Variants in MLLT10 observed in about 807,000 individuals in gnomAD.
MLLT10 encodes protein AF-10.
A neutral mutation model predicts 129.1 loss-of-function variants in MLLT10; 30 were observed. The observed-to-expected ratio is 0.23, with a 90% confidence interval of 0.17 to 0.32. The LOEUF is 0.32. Among genes scored for constraint, MLLT10 ranks in the 10% least tolerant of loss-of-function variants. The pLI is 1.00. For missense variants in MLLT10, 1,119 were observed against 1,268.3 expected, an observed-to-expected ratio of 0.88 and a Z score of 1.79; for synonymous variants, 490 against 446.4, an observed-to-expected ratio of 1.10 and a Z score of -1.23.
chr10:21,712,986 A>C (rs1372595540), intron 13 of MLLT10, among the ~76,000 whole-genome samples: 3 of 152,192 alleles, frequency 2.0e-5, no homozygotes, highest in African/African-American at 7.2e-5. Flanking sequence ...TTCTAGAATG[A>C]ATAGCTTCCA....
chr10:21,709,339 C>T (rs375762795), intron 13 of MLLT10, among the ~76,000 whole-genome samples: 1 of 151,292 alleles, frequency 6.6e-6, no homozygotes, highest in Admixed American at 6.6e-5. Context: ...TCAAGTGATT[C>T]TCCTGCCTCA....
intron 13 of MLLT10, among the ~76,000 whole-genome samples, chr10:21,683,198 A>AG (rs1189223384): frequency 6.6e-6 from 1 of 152,134 alleles, no homozygotes; most frequent in African/African-American, 2.4e-5. Flanking sequence ...TGTTGCCTTA[A>AG]GGGTAGGGGT....
chr10:21,741,400 G>C (rs1833594683), intron 22 of MLLT10, among the ~76,000 whole-genome samples: 1 of 149,454 alleles, frequency 6.7e-6, no homozygotes, highest in African/African-American at 2.6e-5. Context: ...AGCTAATAGA[G>C]TGCTCATAAT....
At chr10:21,594,553 CAA>C (rs34844830) in intron 4 of MLLT10, among the ~76,000 whole-genome samples, 84 of 57,528 alleles carry the variant, frequency 1.5e-3, no homozygotes, top group East Asian at 4.2e-3. Flanking sequence ...AACTCTGTCT[CAA>C]AAAAAAAAAA....
rs2051714156 is a variant in MLLT10, at chr10:21,673,394, A to G, written c.1096A>G (p.Ser366Gly). 6.6e-7 allele frequency: 1 copy of G among 1,507,774 alleles called. No homozygotes were observed. The highest frequency in any genetic ancestry group is 1.2e-5 in the South Asian group (1 of 85,682). The allele number at this position is 1,507,774 out of a possible 1,614,324, so 93.4% of individuals were successfully genotyped here. The change falls in exon 11 of 23, where the codon AGT becomes GGT. Residue 366 changes from serine (S) to glycine (G), a missense_variant. Transcript: ENST00000307729. Reference protein sequence around the residue: ...TPGSVKSSSGSSVQSPQDFLS... With the variant: ...TPGSVKSSSGGSVQSPQDFLS... ...AGGCAGTGTAAAGTCATCTTCTGGA[A>G]GTTCAGTGCAGTCTCCCCAGGATTT...
At chr10:21,584,483 A>T (rs760862299) in intron 3 of MLLT10, among the ~76,000 whole-genome samples, 19 of 151,462 alleles carry the variant, frequency 1.3e-4, no homozygotes, top group South Asian at 4.2e-4. Context: ...ATTTTTTTTT[A>T]AATTATTTTT....
intron 7 of MLLT10, among the ~76,000 whole-genome samples, chr10:21,616,861 A>C (rs2045315203): frequency 1.3e-5 from 2 of 151,926 alleles, no homozygotes; most frequent in Admixed American, 1.3e-4. Flanking sequence ...TTATTTGAAA[A>C]TAGATGATCT....
intron 2 of MLLT10, among the ~76,000 whole-genome samples, chr10:21,538,003 A>G (rs1174733490): frequency 1.3e-5 from 2 of 151,166 alleles, no homozygotes; most frequent in Non-Finnish European, 2.9e-5. Context: ...AGAAATAAAC[A>G]TACCTTTTTT....
chr10:21,636,166 A>G (rs2047442759), intron 8 of MLLT10, among the ~76,000 whole-genome samples: 1 of 151,370 alleles, frequency 6.6e-6, no homozygotes, highest in African/African-American at 2.4e-5. Flanking sequence ...TGTCACCTAA[A>G]CTGCAGTGCA....
intron 3 of MLLT10, among the ~76,000 whole-genome samples, chr10:21,582,268 C>T (rs2041544175): frequency 6.6e-6 from 1 of 151,998 alleles, no homozygotes; most frequent in Non-Finnish European, 1.5e-5. Flanking sequence ...CAGGCACGTG[C>T]CACCACATGC....
chr10:21,617,019 C>T (rs1184731075), intron 7 of MLLT10, 93 bp from the exon 8 acceptor site: 2 of 462,364 alleles, frequency 4.3e-6, no homozygotes, highest in Non-Finnish European at 6.9e-6. Flanking sequence ...ATTAAAAATA[C>T]TTTATAGTTG....
At chr10:21,602,537 T>C (rs2043641566) in intron 5 of MLLT10, among the ~76,000 whole-genome samples, 1 of 152,146 alleles carries the variant, frequency 6.6e-6, no homozygotes, top group South Asian at 2.1e-4. Context: ...AAAGTCTGAG[T>C]GAGATAGACT....
At position 21,619,127 on chromosome 10, in the gene MLLT10, G is replaced by C. The variant is rs535027151; in HGVS notation, c.699+1920G>C. On this transcript the variant is annotated intron_variant, in intron 8 of 22. Transcript: ENST00000307729. ...TATATCTTGATTTCTTTTTGAGGTG[G>C]TTTTGTTATAAAGTGACGGTAGTAG... Among the ~76,000 whole-genome samples, 9 of 151,936 alleles carry C rather than the reference G, an allele frequency of 5.9e-5. No individual in the cohort carries two copies. The South Asian group carries it at 1.9e-3, about 32-fold the overall frequency.
intron 8 of MLLT10, among the ~76,000 whole-genome samples, 176 bp from the exon 9 acceptor site, chr10:21,651,497 T>TA (rs1184039110): frequency 6.6e-6 from 1 of 152,182 alleles, no homozygotes; most frequent in East Asian, 1.9e-4. Context: ...TGAACTTACC[T>TA]AAAAAGAAAC....
At chr10:21,687,730 G>C (rs138558125) in intron 13 of MLLT10, among the ~76,000 whole-genome samples, 2 of 152,248 alleles carry the variant, frequency 1.3e-5, no homozygotes, top group East Asian at 3.9e-4. Context: ...TGGTTTAGGG[G>C]GTTGAAATGA....
chr10:21,687,219 A>G (rs2053395935), intron 13 of MLLT10, among the ~76,000 whole-genome samples: 1 of 152,178 alleles, frequency 6.6e-6, no homozygotes, highest in South Asian at 2.1e-4. Context: ...ATGCCAGTTG[A>G]TTTTAGAGGT....
Position 21,614,822 on chromosome 10 carries a change from T to C in MLLT10, c.510-9T>C, listed in dbSNP as rs1227220751. Reference sequence around the variant, plus strand: ...TATATCAATAAATATACTTGGCTTTTATTTTCAGCGCTCAGTTTGCCGGAC... The same window carrying C: ...TATATCAATAAATATACTTGGCTTTCATTTTCAGCGCTCAGTTTGCCGGAC... On this transcript the variant is annotated splice_polypyrimidine_tract_variant and intron_variant, in intron 6 of 22. Transcript: ENST00000307729. 17 of 1,608,204 alleles carry C rather than the reference T, an allele frequency of 1.1e-5. No individual in the cohort carries two copies. The East Asian group carries it at 3.8e-4, about 36-fold the overall frequency.
chr10:21,609,072 A>G (rs562433560), intron 5 of MLLT10, among the ~76,000 whole-genome samples: 1 of 152,224 alleles, frequency 6.6e-6, no homozygotes, highest in African/African-American at 2.4e-5. Context: ...CTATTTTTCC[A>G]ATAGTATACA....
rs771637518 is a variant in MLLT10 at position 21,733,842 on chromosome 10, G to A, written c.2571G>A (p.Pro857=). ...CCCCACCTCCTGCTGGGCAGAGTCC[G>A]GCTCAACAAGGCTCAGGAGTGAGTG... ...LSTPPPAGQS[P]AQQGSGVSGV... Residue 857 remains proline, a synonymous_variant, in exon 20 of 23, where the codon CCG becomes CCA. Transcript: ENST00000307729. 45 of 1,613,968 alleles carry A rather than the reference G, an allele frequency of 2.8e-5. 1 individual carries two copies. In the South Asian group the frequency reaches 3.5e-4, roughly 13 times the overall value.
Sources: allele counts gnomAD v4.1 joint callset (sites outside exome capture counted in the v4.1 genomes callset), GRCh38; gene constraint gnomAD v4.1.1; transcripts MANE v1.5; gene names NCBI Gene and HGNC (gene_info 2026-07-23, HGNC 2026-07-21).